The following USH2A variants were observed in gnomAD, a reference collection of about 807,000 sequenced individuals.
USH2A encodes the protein Usher syndrome 2A (autosomal recessive, mild).
Under a neutral mutation model 538.9 loss-of-function variants are expected in USH2A, and 443 were observed. That is an observed-to-expected ratio of 0.82 (90% CI 0.76 to 0.89). USH2A has a LOEUF of 0.89. Ranked by LOEUF, USH2A falls within the 40% of genes least tolerant of loss-of-function variation. The pLI is 0.00. For missense variants in USH2A, 6,633 were observed against 6,324.8 expected (o/e 1.05, Z -1.65); for synonymous variants, 2,413 against 2,273.5 (o/e 1.06, Z -1.75).
intron 21 of USH2A, among the ~76,000 whole-genome samples, chr1:216,117,262 T>G (rs960685747): frequency 1.3e-5 from 2 of 152,198 alleles, no homozygotes; most frequent in African/African-American, 2.4e-5. Context: ...ATGGTCAGAC[T>G]GCAATATTTA....
chr1:215,749,668 G>T (rs928374239), intron 58 of USH2A, among the ~76,000 whole-genome samples: 8 of 152,180 alleles, frequency 5.3e-5, no homozygotes, highest in African/African-American at 1.4e-4. Context: ...CACACGACTT[G>T]GTTAGTTCCT....
chr1:216,130,561 T>TATATATA lies in USH2A; in HGVS notation c.4628-33355_4628-33349dup, dbSNP rs1054977282. On this transcript the variant is annotated intron_variant, in intron 21 of 71. Coordinates refer to ENST00000307340, the MANE Select transcript of USH2A (RefSeq NM_206933.4). ...ATATAAAATATATATTTATATATAT[T>TATATATA]ATATATAATATATAATATATAATAC... Among the ~76,000 whole-genome samples the TATATATA allele has an allele frequency of 5.2e-3, 750 of 145,534 alleles. 12 individuals are homozygous for TATATATA. The highest frequency in any genetic ancestry group is 0.016 in the African/African-American group (648 of 39,504).
intron 37 of USH2A, among the ~76,000 whole-genome samples, chr1:215,939,119 G>A (rs1340385060): frequency 6.6e-6 from 1 of 152,108 alleles, no homozygotes; most frequent in African/African-American, 2.4e-5. Context: ...AGTAATTATT[G>A]CACACTTAAG....
At chr1:215,727,458 G>A (rs1040326389) in intron 61 of USH2A, among the ~76,000 whole-genome samples, 2 of 152,154 alleles carry the variant, frequency 1.3e-5, no homozygotes, top group African/African-American at 4.8e-5. Flanking sequence ...CAGGCGCAGT[G>A]GCTTACGCCT....
At chr1:216,335,037 G>C (rs1322965140) in intron 4 of USH2A, among the ~76,000 whole-genome samples, 1 of 151,730 alleles carries the variant, frequency 6.6e-6, no homozygotes, top group Non-Finnish European at 1.5e-5. Context: ...CTCCAGGATA[G>C]ATTATATGTT....
chr1:215,953,608 C>A (rs1040697587), intron 37 of USH2A, among the ~76,000 whole-genome samples: 3 of 151,932 alleles, frequency 2.0e-5, no homozygotes, highest in African/African-American at 4.8e-5. Flanking sequence ...ACCATAAAAA[C>A]CCTAGAAGAA....
chr1:216,084,661 T>C (rs765255101), intron 25 of USH2A, 37 bp downstream of exon 25: 1 of 1,606,678 alleles, frequency 6.2e-7, no homozygotes, highest in South Asian at 1.1e-5. Flanking sequence ...AGAACATAGA[T>C]TTTAAGTGAA....
intron 61 of USH2A, among the ~76,000 whole-genome samples, chr1:215,682,135 A>G (rs1658253588): frequency 6.6e-6 from 1 of 152,220 alleles, no homozygotes; most frequent in Admixed American, 6.5e-5. Context: ...TTCTGTGGAA[A>G]TAGGGCAAAC....
intron 21 of USH2A, among the ~76,000 whole-genome samples, chr1:216,166,098 A>G (rs965449513): frequency 6.6e-6 from 1 of 152,144 alleles, no homozygotes; most frequent in Non-Finnish European, 1.5e-5. Flanking sequence ...TGGTTTCTAT[A>G]GTAGTACATA....
chr1:215,892,300 T>C (rs1665229858), intron 40 of USH2A, among the ~76,000 whole-genome samples: 1 of 152,188 alleles, frequency 6.6e-6, no homozygotes, highest in African/African-American at 2.4e-5. Flanking sequence ...TCTTGTTACA[T>C]TCTCATTGTT....
chr1:215,726,313 A>G (rs574395775), intron 61 of USH2A, among the ~76,000 whole-genome samples: 1 of 152,352 alleles, frequency 6.6e-6, no homozygotes, highest in Admixed American at 6.5e-5. Flanking sequence ...AGAAGACATA[A>G]TATAAAAGAC....
At position 216,325,583 on chromosome 1, in the gene USH2A, A is replaced by G. The variant is rs2037716251; in HGVS notation, c.865T>C (p.Phe289Leu). Residue 289 changes from phenylalanine (F) to leucine (L), a missense_variant, in exon 6 of 72, where the codon TTC (phenylalanine) becomes CTC (leucine). Physicochemically the swap from Phe to Leu is conservative, Grantham distance 22. Transcript: ENST00000307340. ...ALTNREILEV[F>L]SGDLLRLHAQ... Reference sequence around the variant, plus strand: ...TGCAATCTGAGAAGATCTCCAGAGAAGACTTCCAGAATCTCTCTGTGGGAG... The same window carrying G: ...TGCAATCTGAGAAGATCTCCAGAGAGGACTTCCAGAATCTCTCTGTGGGAG... 1 of 1,613,058 alleles carries G rather than the reference A, an allele frequency of 6.2e-7. No homozygotes were observed. The highest frequency in any genetic ancestry group is 1.3e-5 in the African/African-American group (1 of 74,878).
chr1:215,829,264 T>TTA (rs1663246543), intron 47 of USH2A, among the ~76,000 whole-genome samples: 2 of 152,158 alleles, frequency 1.3e-5, no homozygotes, highest in African/African-American at 4.8e-5. Flanking sequence ...AATCTTTGGT[T>TTA]TATATATAAG....
chr1:216,100,783 T>C (rs995327259), intron 21 of USH2A, among the ~76,000 whole-genome samples: 1 of 152,214 alleles, frequency 6.6e-6, no homozygotes, highest in Non-Finnish European at 1.5e-5. Context: ...ATTACAGGAA[T>C]ATTTAGACAA....
At chr1:215,656,959 T>C (rs1005360146) in intron 64 of USH2A, among the ~76,000 whole-genome samples, 7 of 152,242 alleles carry the variant, frequency 4.6e-5, no homozygotes, top group African/African-American at 1.2e-4. Flanking sequence ...GGGCAAACAA[T>C]TAAATTATTT....
chr1:216,197,502 C>A (rs573605880), intron 18 of USH2A, among the ~76,000 whole-genome samples: 5 of 152,196 alleles, frequency 3.3e-5, no homozygotes, highest in African/African-American at 1.2e-4. Flanking sequence ...TCCAAGATGG[C>A]TGGTAGTCAT....
chr1:215,729,204 A>G (rs1009431044), intron 60 of USH2A, among the ~76,000 whole-genome samples: 25 of 152,196 alleles, frequency 1.6e-4, no homozygotes, highest in African/African-American at 5.8e-4. Context: ...CCAGGTTGGC[A>G]TACTGGATGA....
At chr1:215,945,931 T>C (rs765591811) in intron 37 of USH2A, among the ~76,000 whole-genome samples, 4 of 152,216 alleles carry the variant, frequency 2.6e-5, no homozygotes, top group Admixed American at 6.5e-5. Flanking sequence ...TTTGTGAGTG[T>C]AATGAATTGG....
At chr1:216,144,904 A>T (rs2033665748) in intron 21 of USH2A, among the ~76,000 whole-genome samples, 3 of 152,164 alleles carry the variant, frequency 2.0e-5, no homozygotes, top group African/African-American at 7.2e-5. Context: ...TTACGTTAAA[A>T]ATCTCTGGTT....
Sources: allele counts gnomAD v4.1 joint callset (sites outside exome capture counted in the v4.1 genomes callset), GRCh38; gene constraint gnomAD v4.1.1; transcripts MANE v1.5; gene names NCBI Gene and HGNC (gene_info 2026-07-23, HGNC 2026-07-21).